TCERG1L: variants seen among roughly 807,000 people sequenced by gnomAD.
TCERG1L encodes transcription elongation regulator 1 like.
TCERG1L carries 37 observed loss-of-function variants against 56.3 expected under a neutral mutation model. The ratio of observed to expected loss-of-function variants is 0.66; its 90% confidence interval spans 0.51 to 0.87. TCERG1L has a LOEUF of 0.87. TCERG1L is among the 40% of genes least tolerant of loss of function. TCERG1L has a pLI of 0.00. For missense variants in TCERG1L, 799 were observed against 774.2 expected, an observed-to-expected ratio of 1.03 and a Z score of -0.38; for synonymous variants, 324 against 326.3, an observed-to-expected ratio of 0.99 and a Z score of 0.08.
chr10:131,093,302 A>G lies in TCERG1L; in HGVS notation c.1621T>C (p.Phe541Leu). 1 of 1,613,550 alleles carries G rather than the reference A, an allele frequency of 6.2e-7. No homozygotes were observed. Among genetic ancestry groups the G allele is most frequent in the Non-Finnish European group, 8.5e-7 (1 of 1,179,764 alleles). Residue 541 changes from phenylalanine (F) to leucine (L), a missense_variant, in exon 12 of 12, where the codon TTT (phenylalanine) becomes CTT (leucine). Phe to Leu is a conservative substitution (Grantham distance 22). Coordinates refer to ENST00000368642, the MANE Select transcript of TCERG1L (RefSeq NM_174937.4). Reference protein sequence around the residue: ...KVSPRTTFKEFAEKYGRDQRF... With the variant: ...KVSPRTTFKELAEKYGRDQRF... ...TGATCCCGGCCGTATTTCTCTGCAAACTCCTTAAACGTGGTCCTGAAAAAG... is the reference window on the plus strand; with the variant it reads ...TGATCCCGGCCGTATTTCTCTGCAAGCTCCTTAAACGTGGTCCTGAAAAAG...
chr10:131,307,158 T>C (rs1489803943), intron 3 of TCERG1L, among the ~76,000 whole-genome samples: 1 of 152,234 alleles, frequency 6.6e-6, no homozygotes, highest in African/African-American at 2.4e-5. Context: ...ATCATCTTAG[T>C]GTAAAATGTT....
chr10:131,273,130 G>A lies in TCERG1L; in HGVS notation c.671-12686C>T, dbSNP rs74160884. On this transcript the variant is annotated intron_variant, in intron 3 of 11. Transcript: ENST00000368642. ...CAGGCAGCGCCACCTTCCACTCCCC[G>A]CATCCCTTCCATTACCCTGGCCTAG... Among the ~76,000 whole-genome samples the A allele has an allele frequency of 3.3e-3, 496 of 152,258 alleles. 1 individual carries two copies. Among genetic ancestry groups the A allele is most frequent in the African/African-American group, 0.011 (474 of 41,562 alleles).
At chr10:131,271,100 G>A (rs913951201) in intron 3 of TCERG1L, among the ~76,000 whole-genome samples, 2 of 152,178 alleles carry the variant, frequency 1.3e-5, no homozygotes, top group African/African-American at 4.8e-5. Context: ...CCCTGCCACC[G>A]CCTTCTCTGC....
At chr10:131,300,629 G>A (rs890403464) in intron 3 of TCERG1L, among the ~76,000 whole-genome samples, 1 of 152,072 alleles carries the variant, frequency 6.6e-6, no homozygotes, top group Non-Finnish European at 1.5e-5. Context: ...TCCTTTCCAT[G>A]AGTTAATTTA....
chr10:131,148,791 T>C (rs1169546275), intron 6 of TCERG1L, among the ~76,000 whole-genome samples: 1 of 151,800 alleles, frequency 6.6e-6, no homozygotes, highest in African/African-American at 2.4e-5. Context: ...ACCTTGACTT[T>C]CGCCCAGTGA....
At chr10:131,143,530 A>G (rs1454608688) in intron 7 of TCERG1L, among the ~76,000 whole-genome samples, 2 of 152,164 alleles carry the variant, frequency 1.3e-5, no homozygotes, top group African/African-American at 4.8e-5. Flanking sequence ...CCGTGGCCAA[A>G]GCAAGCAGAG....
At chr10:131,190,982 C>T (rs1405039983) in intron 4 of TCERG1L, among the ~76,000 whole-genome samples, 1 of 144,194 alleles carries the variant, frequency 6.9e-6, no homozygotes, top group Non-Finnish European at 1.5e-5. Flanking sequence ...AAGACTCCTC[C>T]AAAAGACCCT....
At chr10:131,093,640 G>A (rs895002958) in intron 11 of TCERG1L, among the ~76,000 whole-genome samples, 1 of 152,128 alleles carries the variant, frequency 6.6e-6, no homozygotes, top group East Asian at 1.9e-4. Context: ...CAGCTTTGCT[G>A]GCCAGGTCTC....
chr10:131,167,370 T>G (rs1272078767), intron 4 of TCERG1L, among the ~76,000 whole-genome samples: 1 of 152,024 alleles, frequency 6.6e-6, no homozygotes, highest in African/African-American at 2.4e-5. Context: ...GTGGATGTCT[T>G]GGGGCTGCTC....
At chr10:131,176,795 C>CA (rs1231600017) in intron 4 of TCERG1L, among the ~76,000 whole-genome samples, 104 of 8,250 alleles carry the variant, frequency 0.013, no homozygotes, top group Middle Eastern at 0.071. Context: ...CAGAGATACA[C>CA]GTACATACAC....
At chr10:131,200,669 C>A (rs142858029) in intron 4 of TCERG1L, among the ~76,000 whole-genome samples, 1 of 152,106 alleles carries the variant, frequency 6.6e-6, no homozygotes, top group Non-Finnish European at 1.5e-5. Context: ...AAAGACTCTG[C>A]GCTTTTGAGT....
intron 4 of TCERG1L, among the ~76,000 whole-genome samples, chr10:131,255,448 A>T (rs1443149688): frequency 6.6e-6 from 1 of 152,252 alleles, no homozygotes; most frequent in Non-Finnish European, 1.5e-5. Context: ...ATAGCAAAGG[A>T]ATAATTGGCA....
Position 131,163,144 on chromosome 10 carries a change from TG to T in TCERG1L, c.1011del (p.Thr338ProfsTer36). The stretch of plus-strand genomic sequence containing the variant: ...TACCAGGGGGATCCGGGCACCGGGG[TG>T]GAGGCCACTGGCCTGTTGCCTCTGG... ...STARGNRPVA[S>X]TPVPGSPWCV... On this transcript the variant is annotated frameshift_variant, in exon 6 of 12. Transcript: ENST00000368642. LOFTEE classifies it high-confidence loss of function. The T allele has an allele frequency of 6.3e-7, 1 of 1,578,634 alleles. No individual in the cohort carries two copies. The highest frequency in any genetic ancestry group is 8.6e-7 in the Non-Finnish European group (1 of 1,161,808).
At chr10:131,310,172 A>G (rs997995098) in intron 1 of TCERG1L, among the ~76,000 whole-genome samples, 2 of 152,218 alleles carry the variant, frequency 1.3e-5, no homozygotes, top group African/African-American at 4.8e-5. Context: ...TTAAATTTAT[A>G]TAAGTGAAAA....
intron 4 of TCERG1L, among the ~76,000 whole-genome samples, chr10:131,249,585 T>C (rs751497264): frequency 6.6e-6 from 1 of 152,262 alleles, no homozygotes; most frequent in Non-Finnish European, 1.5e-5. Flanking sequence ...CTTTCTTTTT[T>C]GTTGTAATTA....
At chr10:131,300,806 G>C (rs1226066900) in intron 3 of TCERG1L, among the ~76,000 whole-genome samples, 1 of 150,778 alleles carries the variant, frequency 6.6e-6, no homozygotes, top group African/African-American at 2.5e-5. Context: ...ATCATAAATA[G>C]AACAATGAAT....
At chr10:131,096,374 G>A (rs902794775) in intron 11 of TCERG1L, among the ~76,000 whole-genome samples, 1 of 152,224 alleles carries the variant, frequency 6.6e-6, no homozygotes, top group African/African-American at 2.4e-5. Context: ...AAAATCACAA[G>A]TTGCAGGCAA....
intron 10 of TCERG1L, 87 bp from the exon 11 acceptor site, chr10:131,098,511 G>C (rs1378444831): frequency 4.1e-6 from 6 of 1,464,114 alleles, no homozygotes; most frequent in Admixed American, 2.5e-5. Flanking sequence ...TGAGAAAGCA[G>C]CAAGAATCTA....
At chr10:131,187,932 G>A (rs1173656231) in intron 4 of TCERG1L, among the ~76,000 whole-genome samples, 4 of 152,230 alleles carry the variant, frequency 2.6e-5, no homozygotes, top group African/African-American at 9.6e-5. Flanking sequence ...CCATGCTGCT[G>A]AGCCTGTGCC....
Sources: gnomAD v4.1 joint callset for allele counts (sites outside exome capture counted in the v4.1 genomes callset) on GRCh38, gnomAD v4.1.1 for gene constraint, MANE v1.5 for transcripts, NCBI Gene and HGNC (gene_info 2026-07-23, HGNC 2026-07-21) for gene names.